CADM2: variants seen among roughly 807,000 people sequenced by gnomAD.
The protein encoded by CADM2 is immunoglobulin superfamily member 4D.
Under a neutral mutation model 49.8 loss-of-function variants are expected in CADM2, and 12 were observed. The observed-to-expected ratio is 0.24, with a 90% confidence interval of 0.15 to 0.39. The LOEUF (loss-of-function observed/expected upper bound fraction) is 0.39, where lower values mean the gene tolerates loss of function less well. CADM2 is among the 10% of genes least tolerant of loss of function. The pLI is 1.00. For synonymous variants in CADM2, 214 were observed against 175.4 expected, an observed-to-expected ratio of 1.22 and a Z score of -1.74; for missense variants, 378 against 492.3, an observed-to-expected ratio of 0.77 and a Z score of 2.20.
intron 1 of CADM2, among the ~76,000 whole-genome samples, chr3:85,598,653 A>C (rs1156831443): frequency 2.0e-5 from 3 of 151,992 alleles, no homozygotes; most frequent in African/African-American, 7.2e-5. Context: ...CATTTAAAAA[A>C]AAATATTTAC....
intron 8 of CADM2, chr3:86,012,752 G>T: frequency 1.4e-6 from 1 of 702,884 alleles, no homozygotes; most frequent in Non-Finnish European, 2.5e-6. Flanking sequence ...CACTTTGGGA[G>T]GCCGAGGAGG....
intron 1 of CADM2, among the ~76,000 whole-genome samples, chr3:85,553,469 C>T (rs1404051780): frequency 6.6e-6 from 1 of 152,180 alleles, no homozygotes; most frequent in Non-Finnish European, 1.5e-5. Flanking sequence ...TATTTACTGT[C>T]ACTTGGAACA....
Position 85,821,433 on chromosome 3 carries a change from A to G in CADM2, c.238+19237A>G, listed in dbSNP as rs77157291. On this transcript the variant is annotated intron_variant, in intron 3 of 9. Coordinates refer to ENST00000383699, the MANE Select transcript of CADM2 (RefSeq NM_001167675.2). ...TCTATATCACCCACTTCCTACTCTT[A>G]TTCATATCACTGAAGAAAACAAAGT... Among the ~76,000 whole-genome samples the G allele has an allele frequency of 1.2e-3, 176 of 152,298 alleles. 2 individuals carry two copies. In the East Asian group the frequency reaches 0.028, roughly 24 times the overall value.
chr3:85,671,720 A>C (rs965438394), intron 1 of CADM2, among the ~76,000 whole-genome samples: 1 of 152,108 alleles, frequency 6.6e-6, no homozygotes, highest in African/African-American at 2.4e-5. Flanking sequence ...ATGCCTGGAA[A>C]ATCTCCCCTC....
chr3:85,837,034 T>C (rs1043064606), intron 3 of CADM2, among the ~76,000 whole-genome samples: 2 of 151,620 alleles, frequency 1.3e-5, no homozygotes, highest in Non-Finnish European at 3.0e-5. Flanking sequence ...CCATACGATA[T>C]AGTTCAATGA....
intron 1 of CADM2, among the ~76,000 whole-genome samples, chr3:85,411,134 T>C (rs944374571): frequency 6.6e-6 from 1 of 152,220 alleles, no homozygotes; most frequent in Non-Finnish European, 1.5e-5. Flanking sequence ...CGTGGTACGA[T>C]GAAGACATGC....
intron 1 of CADM2, among the ~76,000 whole-genome samples, chr3:85,304,082 A>G (rs1213191620): frequency 6.6e-6 from 1 of 151,878 alleles, no homozygotes; most frequent in Non-Finnish European, 1.5e-5. Flanking sequence ...TTTTACTTGT[A>G]GCTCTACATT....
intron 1 of CADM2, among the ~76,000 whole-genome samples, chr3:85,222,443 A>G (rs1398436658): frequency 6.6e-6 from 1 of 152,140 alleles, no homozygotes; most frequent in Non-Finnish European, 1.5e-5. Context: ...GCTGCACTGG[A>G]TTTTAAGATG....
chr3:85,802,001 T>C (rs1474885119), intron 2 of CADM2, 46 bp from the exon 3 acceptor site: 2 of 1,528,536 alleles, frequency 1.3e-6, no homozygotes, highest in African/African-American at 2.8e-5. Context: ...CAGTTAATCA[T>C]TTTATGACTT....
chr3:85,102,544 G>A (rs2038054234), intron 1 of CADM2, among the ~76,000 whole-genome samples: 1 of 152,066 alleles, frequency 6.6e-6, no homozygotes. Flanking sequence ...GCTCTTTCCT[G>A]ATCTCAAAGA....
intron 1 of CADM2, among the ~76,000 whole-genome samples, chr3:85,150,185 G>C (rs1418518071): frequency 3.3e-5 from 5 of 152,100 alleles, no homozygotes; most frequent in South Asian, 2.1e-4. Context: ...AAGCTGAAAG[G>C]TTTTAGAGGA....
intron 1 of CADM2, among the ~76,000 whole-genome samples, chr3:85,424,326 A>G (rs2036302504): frequency 6.6e-6 from 1 of 151,302 alleles, no homozygotes. Flanking sequence ...GAAAAATAAT[A>G]TATATGTCTT....
intron 4 of CADM2, 67 bp from the exon 5 acceptor site, chr3:85,886,123 G>A (rs1208657353): frequency 4.9e-5 from 78 of 1,587,290 alleles, no homozygotes; most frequent in Admixed American, 6.9e-5. Context: ...ATGTGTGAAA[G>A]TAATAGACAT....
intron 1 of CADM2, among the ~76,000 whole-genome samples, chr3:85,549,751 G>A (rs2061753036): frequency 6.6e-6 from 1 of 151,244 alleles, no homozygotes; most frequent in Non-Finnish European, 1.5e-5. Context: ...AGCCTCCCAA[G>A]TAGCTGGGAT....
At position 85,431,860 on chromosome 3, in the gene CADM2, CAT is replaced by C. The variant is rs1553722697; in HGVS notation, c.62-294651_62-294650del. On this transcript the variant is annotated intron_variant, in intron 1 of 9. Transcript: ENST00000383699. ...AACACCATGGTCTTATGCTTAATTG[CAT>C]ATATATATATGCCATGCTCTTTCTT... is the stretch of plus-strand genomic sequence containing the variant. Among the ~76,000 whole-genome samples the C allele has an allele frequency of 1.2e-4, 6 of 51,808 alleles. 2 individuals carry two copies. The highest frequency in any genetic ancestry group is 2.7e-4 in the African/African-American group (5 of 18,284). 34.0% of individuals were successfully genotyped at this position (51,808 alleles called of 152,430 possible). A position where few individuals can be genotyped will look rare whatever the true frequency, so the allele number is the denominator to read the frequency against.
intron 1 of CADM2, among the ~76,000 whole-genome samples, chr3:85,598,179 A>G (rs1211596892): frequency 6.6e-6 from 1 of 152,044 alleles, no homozygotes; most frequent in African/African-American, 2.4e-5. Flanking sequence ...ATAAAAATAA[A>G]AAACACAAGA....
intron 3 of CADM2, among the ~76,000 whole-genome samples, chr3:85,834,476 T>A (rs2074319335): frequency 6.6e-6 from 1 of 151,656 alleles, no homozygotes; most frequent in Non-Finnish European, 1.5e-5. Context: ...AAAATCCACT[T>A]TCTACTTCCT....
intron 8 of CADM2, among the ~76,000 whole-genome samples, chr3:85,967,923 T>C (rs1393650864): frequency 6.6e-6 from 1 of 151,628 alleles, no homozygotes; most frequent in Non-Finnish European, 1.5e-5. Flanking sequence ...AAATCTGTTC[T>C]TTCACATGGA....
At chr3:85,849,999 A>G (rs924457381) in intron 3 of CADM2, among the ~76,000 whole-genome samples, 22 of 152,218 alleles carry the variant, frequency 1.4e-4, no homozygotes, top group Admixed American at 4.6e-4. Context: ...TGTTAAGAAT[A>G]AAAGAATTGG....
Sources: allele counts gnomAD v4.1 joint callset (sites outside exome capture counted in the v4.1 genomes callset), GRCh38; gene constraint gnomAD v4.1.1; transcripts MANE v1.5; gene names NCBI Gene and HGNC (gene_info 2026-07-23, HGNC 2026-07-21).